ODAD2: variants seen among roughly 807,000 people sequenced by gnomAD.
The protein encoded by ODAD2 is outer dynein arm-docking complex subunit 2.
In ODAD2, 89 loss-of-function variants were observed where a neutral mutation model predicts 106.8. The observed-to-expected ratio is 0.83, with a 90% CI of 0.70 to 0.99. The LOEUF is 0.99. Ranked by LOEUF, ODAD2 falls within the 50% of genes least tolerant of loss-of-function variation. ODAD2 has a pLI of 0.00. For missense variants in ODAD2, 1,168 were observed against 1,238.5 expected (o/e 0.94, Z 0.85); for synonymous variants, 404 against 436.2 (o/e 0.93, Z 0.92).
chr10:27,854,167 A>G (rs1839489893), intron 19 of ODAD2, among the ~76,000 whole-genome samples: 1 of 152,232 alleles, frequency 6.6e-6, no homozygotes, highest in Admixed American at 6.5e-5. Context: ...AATTGAAATC[A>G]TAAGATACCA....
intron 16 of ODAD2, among the ~76,000 whole-genome samples, chr10:27,920,724 G>T (rs1335811212): frequency 1.3e-5 from 2 of 151,962 alleles, no homozygotes; most frequent in Admixed American, 6.6e-5. Flanking sequence ...ACCCTGAAAG[G>T]TCACGAAGAC....
chr10:27,985,603 T>C (rs1178360891), intron 3 of ODAD2, among the ~76,000 whole-genome samples: 1 of 152,190 alleles, frequency 6.6e-6, no homozygotes, highest in Admixed American at 6.5e-5. Context: ...GAACTATATG[T>C]GCATGTGTGT....
chr10:27,970,444 A>C (rs1848770146), intron 8 of ODAD2, among the ~76,000 whole-genome samples: 1 of 152,140 alleles, frequency 6.6e-6, no homozygotes, highest in Non-Finnish European at 1.5e-5. Flanking sequence ...CATGATTTTT[A>C]CATTTCCCCT....
chr10:27,909,817 G>GAAAAAAAAA (rs35449629), intron 16 of ODAD2, among the ~76,000 whole-genome samples: 2 of 56,370 alleles, frequency 3.5e-5, no homozygotes, highest in African/African-American at 6.9e-5. Flanking sequence ...GTCTTCATTT[G>GAAAAAAAAA]AAAAAAAAAA....
chr10:27,960,432 C>T (rs748520073), intron 10 of ODAD2, among the ~76,000 whole-genome samples: 9 of 151,050 alleles, frequency 6.0e-5, no homozygotes, highest in South Asian at 2.1e-4. Flanking sequence ...CTGCAACCTC[C>T]GCCTCCTGGG....
intron 19 of ODAD2, among the ~76,000 whole-genome samples, chr10:27,856,836 G>C (rs192378253): frequency 3.3e-5 from 5 of 152,056 alleles, no homozygotes; most frequent in African/African-American, 9.7e-5. Context: ...GCATCATGGC[G>C]GGTGCCTGTA....
intron 17 of ODAD2, chr10:27,904,300 A>T: frequency 2.6e-6 from 1 of 384,766 alleles, no homozygotes; most frequent in South Asian, 2.3e-5. Context: ...AAAGGCAAGG[A>T]TGCTGTGTAT....
intron 16 of ODAD2, among the ~76,000 whole-genome samples, chr10:27,933,777 C>T (rs1290740251): frequency 6.6e-6 from 1 of 152,210 alleles, no homozygotes; most frequent in Non-Finnish European, 1.5e-5. Flanking sequence ...TTTTACAAGT[C>T]CAGCCAGTAT....
chr10:27,897,001 C>T (rs752897216), intron 17 of ODAD2, among the ~76,000 whole-genome samples: 3 of 152,150 alleles, frequency 2.0e-5, no homozygotes, highest in South Asian at 2.1e-4. Flanking sequence ...GCTACAACCA[C>T]GACCGCCTAA....
In ODAD2 at chr10:27,904,058, T is replaced by G. The variant is rs1432097524; in HGVS notation, c.2610+3605A>C. 3.3e-5 allele frequency among the ~76,000 whole-genome samples: 5 copies of G among 152,328 alleles called. No individual in the cohort carries two copies. In the East Asian group the frequency reaches 9.6e-4, roughly 29 times the overall value. ...GACAACAATCTGAGGTTTGGAGTTTTAAAAAACTCTTCTGACCACTATGTT... is the reference window on the plus strand; with the variant it reads ...GACAACAATCTGAGGTTTGGAGTTTGAAAAAACTCTTCTGACCACTATGTT... On this transcript the variant is annotated intron_variant, in intron 17 of 19. Transcript: ENST00000305242.
chr10:27,976,678 C>T (rs559091535), intron 7 of ODAD2, among the ~76,000 whole-genome samples: 10 of 152,164 alleles, frequency 6.6e-5, no homozygotes, highest in African/African-American at 1.9e-4. Context: ...TTCCTAAATT[C>T]GTCTATAAAT....
At chr10:27,937,020 T>C in intron 14 of ODAD2, 140 bp from the exon 15 acceptor site, 1 of 760,276 alleles carries the variant, frequency 1.3e-6, no homozygotes, top group Admixed American at 3.3e-5. Flanking sequence ...AAGTAAAATA[T>C]AATTCATCTT....
At chr10:27,837,130 C>G (rs1260713104) in intron 19 of ODAD2, among the ~76,000 whole-genome samples, 1 of 152,104 alleles carries the variant, frequency 6.6e-6, no homozygotes, top group Non-Finnish European at 1.5e-5. Flanking sequence ...ACAATTCCAC[C>G]GTTAAAAGAC....
chr10:27,984,308 A>G lies in ODAD2; in HGVS notation c.576-18T>C, dbSNP rs1158237822. 8 of 1,519,964 alleles carry G rather than the reference A, an allele frequency of 5.3e-6. No individual in the cohort carries two copies. Among genetic ancestry groups the G allele is most frequent in the Non-Finnish European group, 7.3e-6 (8 of 1,095,016 alleles). 94.2% of individuals were successfully genotyped at this position (1,519,964 alleles called of 1,614,324 possible). ...TTATTTCTCTGAAATAAATGTTTAA[A>G]ATGTCAGCTTAAATACTTTAAACAG... On this transcript the variant is annotated intron_variant, in intron 4 of 19. Transcript: ENST00000305242.
chr10:27,909,304 C>A (rs979596512), intron 16 of ODAD2, among the ~76,000 whole-genome samples: 2 of 152,030 alleles, frequency 1.3e-5, no homozygotes, highest in South Asian at 4.1e-4. Context: ...TTGGATGGCA[C>A]AAATTTGCAA....
intron 17 of ODAD2, among the ~76,000 whole-genome samples, chr10:27,872,817 C>T (rs547166429): frequency 1.5e-4 from 23 of 152,082 alleles, no homozygotes; most frequent in Middle Eastern, 3.4e-3. Context: ...CTAAAATTCT[C>T]TTTTTTTTCT....
chr10:27,982,474 C>T (rs1404554888), intron 6 of ODAD2, among the ~76,000 whole-genome samples: 1 of 152,156 alleles, frequency 6.6e-6, no homozygotes, highest in Non-Finnish European at 1.5e-5. Flanking sequence ...TCTTTTGTCC[C>T]TTTATTCCTA....
At chr10:27,922,816 G>A (rs1024583960) in intron 16 of ODAD2, among the ~76,000 whole-genome samples, 1 of 152,092 alleles carries the variant, frequency 6.6e-6, no homozygotes, top group Admixed American at 6.6e-5. Flanking sequence ...TGAGGCAGGA[G>A]AATCATTTGA....
intron 3 of ODAD2, among the ~76,000 whole-genome samples, chr10:27,986,752 G>A (rs1357889331): frequency 6.6e-6 from 1 of 151,940 alleles, no homozygotes; most frequent in Admixed American, 6.6e-5. Context: ...ATTATAGCAG[G>A]CAACCACATT....
Sources: gnomAD v4.1 joint callset for allele counts (sites outside exome capture counted in the v4.1 genomes callset) on GRCh38, gnomAD v4.1.1 for gene constraint, MANE v1.5 for transcripts, NCBI Gene and HGNC (gene_info 2026-07-23, HGNC 2026-07-21) for gene names.